The following TFDP2 variants were observed in gnomAD, a reference collection of about 807,000 sequenced individuals.
TFDP2 encodes the protein transcription factor Dp-2 (E2F dimerization partner 2).
TFDP2 carries 17 observed loss-of-function variants against 59.3 expected under a neutral mutation model. The observed-to-expected ratio is 0.29, with a 90% CI of 0.20 to 0.43. The LOEUF (loss-of-function observed/expected upper bound fraction) is 0.43. Among genes scored for constraint, TFDP2 ranks in the 20% least tolerant of loss-of-function variants. The pLI is 1.00. For missense variants in TFDP2, 391 were observed against 528.8 expected (o/e 0.74, Z 2.56); for synonymous variants, 180 against 194.7 (o/e 0.92, Z 0.63).
intron 3 of TFDP2, among the ~76,000 whole-genome samples, chr3:142,029,583 A>G (rs1048187855): frequency 1.3e-5 from 2 of 152,166 alleles, no homozygotes; most frequent in South Asian, 2.1e-4. Context: ...TCTTTTCAAT[A>G]TCAGATAACC....
intron 1 of TFDP2, among the ~76,000 whole-genome samples, chr3:142,143,832 G>A (rs1006665262): frequency 6.6e-6 from 1 of 152,116 alleles, no homozygotes. Flanking sequence ...CCACTACAGA[G>A]AACAATTTGG....
At chr3:142,044,579 C>A (rs1331337946) in intron 3 of TFDP2, among the ~76,000 whole-genome samples, 3 of 151,934 alleles carry the variant, frequency 2.0e-5, no homozygotes, top group Non-Finnish European at 4.4e-5. Context: ...CCACGTTGGC[C>A]AGGCTGGTCT....
At chr3:141,975,763 A>T (rs1940549339) in intron 7 of TFDP2, among the ~76,000 whole-genome samples, 1 of 151,652 alleles carries the variant, frequency 6.6e-6, no homozygotes, top group African/African-American at 2.4e-5. Flanking sequence ...TACTGGGAGG[A>T]GGCAATGTGA....
intron 4 of TFDP2, 73 bp from the exon 5 acceptor site, chr3:141,995,214 AT>A (rs2108198976): frequency 7.7e-7 from 1 of 1,293,700 alleles, no homozygotes; most frequent in Admixed American, 2.7e-5. Flanking sequence ...AATAACATTG[AT>A]TGCTAACCTA....
At chr3:141,952,841 C>T in intron 12 of TFDP2, 70 bp downstream of exon 12, 1 of 1,558,566 alleles carries the variant, frequency 6.4e-7, no homozygotes, top group Non-Finnish European at 8.8e-7. Flanking sequence ...GTAACATGAC[C>T]CCGGCTCACC....
At chr3:142,060,007 C>T (rs2059865334) in intron 3 of TFDP2, among the ~76,000 whole-genome samples, 1 of 152,134 alleles carries the variant, frequency 6.6e-6, no homozygotes, top group East Asian at 1.9e-4. Flanking sequence ...CTCATGGATA[C>T]ATCTTAAATA....
At chr3:142,126,988 G>T (rs1202715786) in intron 1 of TFDP2, among the ~76,000 whole-genome samples, 7 of 143,834 alleles carry the variant, frequency 4.9e-5, no homozygotes, top group Non-Finnish European at 1.1e-4. Context: ...ATGTTAAAAA[G>T]ATAAAAAAGG....
intron 3 of TFDP2, among the ~76,000 whole-genome samples, chr3:142,070,823 G>C (rs1253565636): frequency 6.6e-6 from 1 of 152,004 alleles, no homozygotes; most frequent in South Asian, 2.1e-4. Flanking sequence ...TCTTGCTCCT[G>C]GTACATCATT....
chr3:142,084,890 A>G (rs1211558924), intron 3 of TFDP2, among the ~76,000 whole-genome samples: 1 of 151,998 alleles, frequency 6.6e-6, no homozygotes, highest in Non-Finnish European at 1.5e-5. Context: ...AAAAAAACAG[A>G]AAGAATAAAT....
At chr3:141,970,039 A>G (rs553096639) in intron 9 of TFDP2, 34 bp downstream of exon 9, 10 of 1,592,768 alleles carry the variant, frequency 6.3e-6, no homozygotes, top group South Asian at 5.5e-5. Flanking sequence ...GTGGAGAAAC[A>G]GGGAAGGTAA....
chr3:141,967,295 G>T (rs55984055), intron 9 of TFDP2, among the ~76,000 whole-genome samples: 17,145 of 136,184 alleles, frequency 0.13, 1,229 homozygotes, highest in East Asian at 0.19. Flanking sequence ...TAAGTTTTTT[G>T]TTTTTTTTTT....
At chr3:142,086,480 C>G (rs1292808905) in intron 3 of TFDP2, among the ~76,000 whole-genome samples, 1 of 152,184 alleles carries the variant, frequency 6.6e-6, no homozygotes, top group Admixed American at 6.6e-5. Flanking sequence ...GCTCACAGAA[C>G]TCTAGCAAAA....
chr3:142,082,047 C>T (rs2060655934), intron 3 of TFDP2, among the ~76,000 whole-genome samples: 1 of 152,150 alleles, frequency 6.6e-6, no homozygotes, highest in Admixed American at 6.5e-5. Flanking sequence ...CGAGTGAAAG[C>T]AGCTTCATCT....
intron 3 of TFDP2, among the ~76,000 whole-genome samples, chr3:142,035,118 A>ATCTC (rs1946629947): frequency 2.6e-5 from 4 of 152,142 alleles, no homozygotes; most frequent in Non-Finnish European, 4.4e-5. Flanking sequence ...AACCACAGCC[A>ATCTC]TCTCTTTTGC....
rs1374051759 is a variant in TFDP2, at chr3:141,968,486, T to A, written c.732+1587A>T. ...TAGATATATATATAACATATATATA[T>A]CTCATATATAGATATATATAACATA... On this transcript the variant is annotated intron_variant, in intron 9 of 12. Transcript: ENST00000489671. 2.9e-3 allele frequency among the ~76,000 whole-genome samples: 322 copies of A among 110,358 alleles called. 25 individuals are homozygous for A. The highest frequency in any genetic ancestry group is 0.012 in the African/African-American group (307 of 25,980). 72.4% of individuals were successfully genotyped at this position (110,358 alleles called of 152,430 possible). A position where few individuals can be genotyped will look rare whatever the true frequency, so the allele number is the denominator to read the frequency against.
chr3:142,139,485 G>GT (rs1364620237), intron 1 of TFDP2, among the ~76,000 whole-genome samples: 3 of 152,160 alleles, frequency 2.0e-5, no homozygotes, highest in Non-Finnish European at 4.4e-5. Context: ...AATTTGGCAT[G>GT]TTTTTGCAGT....
At chr3:142,008,810 T>C (rs886632736) in intron 3 of TFDP2, among the ~76,000 whole-genome samples, 5 of 152,088 alleles carry the variant, frequency 3.3e-5, no homozygotes, top group Non-Finnish European at 7.4e-5. Context: ...AGTATACACA[T>C]ATATATACAT....
Position 141,945,428 on chromosome 3 carries a change from A to C in TFDP2, c.*7085T>G, listed in dbSNP as rs1935135540. 1 of 152,290 alleles carries C rather than the reference A, an allele frequency of 6.6e-6. No individual in the cohort carries two copies. The highest frequency in any genetic ancestry group is 2.4e-5 in the African/African-American group (1 of 41,462). The allele number at this position is 152,290 out of a possible 1,614,324, so 9.4% of individuals were successfully genotyped here. On this transcript the variant is annotated 3_prime_UTR_variant, in exon 13 of 13. Coordinates refer to ENST00000489671, the MANE Select transcript of TFDP2 (RefSeq NM_001178139.2). ...ACAGGCGTGAGCCACTGTGCCTGGC[A>C]TACCCACCTCTTTTGTCCAAAACTC...
chr3:142,002,214 C>G (rs111822220), intron 4 of TFDP2, among the ~76,000 whole-genome samples: 6 of 151,776 alleles, frequency 4.0e-5, no homozygotes, highest in Non-Finnish European at 8.8e-5. Context: ...AGGCTGTTCT[C>G]GAACTCCTGA....
Sources: allele counts gnomAD v4.1 joint callset (sites outside exome capture counted in the v4.1 genomes callset), GRCh38; gene constraint gnomAD v4.1.1; transcripts MANE v1.5; gene names NCBI Gene and HGNC (gene_info 2026-07-23, HGNC 2026-07-21).